Variants in TSHZ2 observed in about 807,000 individuals in gnomAD.
The protein encoded by TSHZ2 is teashirt zinc finger homeobox 2.
In TSHZ2, 21 loss-of-function variants were observed where a neutral mutation model predicts 74.4. The ratio of observed to expected loss-of-function variants is 0.28; its 90% CI spans 0.20 to 0.41. The LOEUF (loss-of-function observed/expected upper bound fraction) is 0.41, where lower values mean the gene tolerates loss of function less well. TSHZ2 is among the 10% of genes least tolerant of loss of function. The pLI is 1.00. For missense variants in TSHZ2, 1,244 were observed against 1,293.5 expected (o/e 0.96, Z 0.59); for synonymous variants, 540 against 515.3 (o/e 1.05, Z -0.65).
Position 53,142,627 on chromosome 20 carries a change from G to T in TSHZ2, c.41-110872G>T, listed in dbSNP as rs533420794. Among the ~76,000 whole-genome samples, 54 of 152,310 alleles carry T rather than the reference G, an allele frequency of 3.5e-4. 1 individual carries two copies. In the South Asian group the frequency reaches 0.011, roughly 30 times the overall value. ...TATTCTGATCAAGTTCAGAACAACAGCCTGCTTTGTCTAATGCTTGCATTT... is the reference window on the plus strand; with the variant it reads ...TATTCTGATCAAGTTCAGAACAACATCCTGCTTTGTCTAATGCTTGCATTT... On this transcript the variant is annotated intron_variant, in intron 1 of 2. Coordinates refer to ENST00000371497, the MANE Select transcript of TSHZ2 (RefSeq NM_173485.6).
At chr20:53,481,530 T>A (rs1313973032) in intron 2 of TSHZ2, among the ~76,000 whole-genome samples, 2 of 151,188 alleles carry the variant, frequency 1.3e-5, no homozygotes, top group Admixed American at 1.3e-4. Context: ...ACAAAGATCA[T>A]GCCACTGTAC....
intron 1 of TSHZ2, among the ~76,000 whole-genome samples, chr20:52,985,057 G>T (rs573978174): frequency 6.6e-6 from 1 of 152,272 alleles, no homozygotes; most frequent in South Asian, 2.1e-4. Flanking sequence ...AGAACTGACC[G>T]TACAGGGAAA....
At position 53,308,979 on chromosome 20, in the gene TSHZ2, GA is replaced by G. The variant is rs1978663238; in HGVS notation, c.*8+52410del. Among the ~76,000 whole-genome samples the G allele has an allele frequency of 2.6e-5, 4 of 152,198 alleles. No homozygotes were observed. The South Asian group carries it at 8.3e-4, about 32-fold the overall frequency. On this transcript the variant is annotated intron_variant, in intron 2 of 2. Transcript: ENST00000371497. ...GGGCTGCGGTTTTAACAATGACAGA[GA>G]ACTCAGGGGGCAAAAGACTGAAGGC...
chr20:53,254,940 T>A lies in TSHZ2; in HGVS notation c.1482T>A (p.Pro494=). 1 of 1,613,894 alleles carries A rather than the reference T, an allele frequency of 6.2e-7. No homozygotes were observed. The highest frequency in any genetic ancestry group is 8.5e-7 in the Non-Finnish European group (1 of 1,179,948). The change falls in exon 2 of 3, where the codon CCT becomes CCA. Residue 494 remains proline (P), a synonymous_variant. Coordinates refer to ENST00000371497, the MANE Select transcript of TSHZ2 (RefSeq NM_173485.6). ...YEDPLQKPLD[P]TIKYQYLREE... is the part of the protein sequence containing the mutation. Reference sequence around the variant, plus strand: ...ATCCTCTACAAAAACCTTTAGACCCTACAATCAAATATCAATACCTAAGGG... The same window carrying A: ...ATCCTCTACAAAAACCTTTAGACCCAACAATCAAATATCAATACCTAAGGG...
Position 53,255,477 on chromosome 20 carries a change from A to T in TSHZ2, c.2019A>T (p.Thr673=). 6.2e-7 allele frequency: 1 copy of T among 1,607,110 alleles called. No individual in the cohort carries two copies. The highest frequency in any genetic ancestry group is 8.5e-7 in the Non-Finnish European group (1 of 1,178,674). The part of the protein sequence containing the change: ...EKEKPQPLEP[T]SALSNGCALA... ...AGAAACCCCAGCCCCTGGAGCCCAC[A>T]TCTGCTCTGAGCAATGGGTGCGCCC... Residue 673 remains threonine, a synonymous_variant, in exon 2 of 3, where the codon ACA becomes ACT. Coordinates refer to ENST00000371497, the MANE Select transcript of TSHZ2 (RefSeq NM_173485.6). This position sits in a 1 kb window ranked among gnomAD's most constrained non-coding sequence, Gnocchi z 4.1.
chr20:53,193,185 A>G (rs1305831134), intron 1 of TSHZ2, among the ~76,000 whole-genome samples: 5 of 56,026 alleles, frequency 8.9e-5, no homozygotes, highest in Non-Finnish European at 2.2e-4. Context: ...AAAAAAGAAA[A>G]AAGAAAAAAA....
chr20:53,368,730 G>A (rs1981364831), intron 2 of TSHZ2, among the ~76,000 whole-genome samples: 1 of 152,200 alleles, frequency 6.6e-6, no homozygotes, highest in Admixed American at 6.5e-5. Context: ...TGCTCTGGGA[G>A]GTTTTCAACA....
At chr20:53,125,300 G>T (rs1422437715) in intron 1 of TSHZ2, among the ~76,000 whole-genome samples, 1 of 152,120 alleles carries the variant, frequency 6.6e-6, no homozygotes, top group Non-Finnish European at 1.5e-5. Context: ...TCCTCCCTGG[G>T]CATAAGTCTC....
At chr20:53,220,658 T>C (rs908379119) in intron 1 of TSHZ2, among the ~76,000 whole-genome samples, 3 of 152,190 alleles carry the variant, frequency 2.0e-5, no homozygotes, top group Non-Finnish European at 2.9e-5. Context: ...ATGTCTACTA[T>C]GTGGTCCTTC....
At chr20:53,174,438 C>T (rs1446987448) in intron 1 of TSHZ2, among the ~76,000 whole-genome samples, 4 of 152,178 alleles carry the variant, frequency 2.6e-5, no homozygotes, top group Admixed American at 6.5e-5. Context: ...TAGGCCATGT[C>T]GAATAAGTTC....
chr20:53,007,524 T>G (rs1285847398), intron 1 of TSHZ2, among the ~76,000 whole-genome samples: 1 of 152,142 alleles, frequency 6.6e-6, no homozygotes, highest in East Asian at 1.9e-4. Flanking sequence ...GTGATGACAT[T>G]AGCATGGAAT....
intron 2 of TSHZ2, among the ~76,000 whole-genome samples, chr20:53,439,214 A>T (rs1192971223): frequency 6.6e-6 from 1 of 152,208 alleles, no homozygotes; most frequent in Non-Finnish European, 1.5e-5. Flanking sequence ...CAGAGATCAC[A>T]CATCATTTTG....
intron 1 of TSHZ2, among the ~76,000 whole-genome samples, chr20:53,096,423 G>A (rs555710306): frequency 7.9e-5 from 12 of 152,108 alleles, no homozygotes; most frequent in Non-Finnish European, 1.8e-4. Flanking sequence ...GATTACAGGC[G>A]CGAGCCACCA....
intron 1 of TSHZ2, among the ~76,000 whole-genome samples, chr20:53,130,062 A>G (rs1467096210): frequency 2.0e-5 from 3 of 151,986 alleles, no homozygotes; most frequent in African/African-American, 7.3e-5. Context: ...GAAGAAAAAA[A>G]GTAGGAAAAG....
rs568011110 is a variant in TSHZ2, at chr20:53,195,001, CACTCTGTG to C, written c.41-58492_41-58485del. Among the ~76,000 whole-genome samples, 48 of 152,326 alleles carry C rather than the reference CACTCTGTG, an allele frequency of 3.2e-4. No individual in the cohort carries two copies. In the East Asian group the frequency reaches 8.3e-3, roughly 26 times the overall value. ...CCCACACTTTTTTTCATGTCTCTATCACTCTGTGACTCTCTGTCCCTTTGTCACCTTCG... is the reference window on the plus strand; with the variant it reads ...CCCACACTTTTTTTCATGTCTCTATCACTCTCTGTCCCTTTGTCACCTTCG... On this transcript the variant is annotated intron_variant, in intron 1 of 2. Coordinates refer to ENST00000371497, the MANE Select transcript of TSHZ2 (RefSeq NM_173485.6).
chr20:53,221,554 C>A (rs1008090906), intron 1 of TSHZ2, among the ~76,000 whole-genome samples: 1 of 152,132 alleles, frequency 6.6e-6, no homozygotes, highest in Non-Finnish European at 1.5e-5. Context: ...AATCTGATGG[C>A]CAAGGGCTTG....
At chr20:53,347,144 A>G (rs992755967) in intron 2 of TSHZ2, among the ~76,000 whole-genome samples, 1 of 152,208 alleles carries the variant, frequency 6.6e-6, no homozygotes, top group African/African-American at 2.4e-5. Context: ...GGGCTTGATC[A>G]AAATTTCTCA....
chr20:53,069,256 T>G (rs1985092056), intron 1 of TSHZ2, among the ~76,000 whole-genome samples: 1 of 152,174 alleles, frequency 6.6e-6, no homozygotes, highest in African/African-American at 2.4e-5. Flanking sequence ...CCCAGTGGGC[T>G]GCACTGGAAG....
At chr20:53,305,975 G>GAA (rs35465133) in intron 2 of TSHZ2, among the ~76,000 whole-genome samples, 181 of 137,254 alleles carry the variant, frequency 1.3e-3, no homozygotes, top group Middle Eastern at 3.8e-3. Flanking sequence ...AAGACTCTGT[G>GAA]AAAAAAAAAA....
Sources: gnomAD v4.1 joint callset for allele counts (sites outside exome capture counted in the v4.1 genomes callset) on GRCh38, gnomAD v4.1.1 for gene constraint, Gnocchi (gnomAD v3.1) non-coding constraint, MANE v1.5 for transcripts, NCBI Gene and HGNC (gene_info 2026-07-23, HGNC 2026-07-21) for gene names.